Variants in USP25 observed in about 807,000 individuals in gnomAD.
The protein encoded by USP25 is ubiquitin specific peptidase 25.
Under a neutral mutation model 158.5 loss-of-function variants are expected in USP25, and 85 were observed. The ratio of observed to expected loss-of-function variants is 0.54; its 90% CI spans 0.45 to 0.64. USP25 has a LOEUF of 0.64. Among genes scored for constraint, USP25 ranks in the 30% least tolerant of loss-of-function variants. USP25 has a pLI of 0.00. For missense variants in USP25, 1,242 were observed against 1,327.3 expected (o/e 0.94, Z 1.00); for synonymous variants, 464 against 460.4 (o/e 1.01, Z -0.10).
At chr21:15,750,122 A>T (rs1000076181) in intron 1 of USP25, among the ~76,000 whole-genome samples, 4 of 151,056 alleles carry the variant, frequency 2.6e-5, no homozygotes, top group African/African-American at 9.7e-5. Context: ...CTGCAGATTG[A>T]GCCCAATCAC....
chr21:15,762,797 G>C, intron 1 of USP25, 94 bp from the exon 2 acceptor site: 2 of 1,151,106 alleles, frequency 1.7e-6, no homozygotes, highest in African/African-American at 1.6e-5. Flanking sequence ...TCTGTTTTTT[G>C]TTTGTTTTGG....
At chr21:15,730,562 C>A in intron 1 of USP25, 124 bp downstream of exon 1, 2 of 1,127,542 alleles carry the variant, frequency 1.8e-6, no homozygotes, top group Non-Finnish European at 2.2e-6. Context: ...CGGTCACCCC[C>A]GGCCCCTGCC....
At chr21:15,801,988 G>C (rs1264444021) in intron 6 of USP25, among the ~76,000 whole-genome samples, 2 of 151,372 alleles carry the variant, frequency 1.3e-5, no homozygotes, top group Admixed American at 1.3e-4. Flanking sequence ...AGAATTGTGA[G>C]GTCCCTGGAA....
chr21:15,856,039 T>G (rs937783830), intron 20 of USP25, among the ~76,000 whole-genome samples: 1 of 152,222 alleles, frequency 6.6e-6, no homozygotes, highest in African/African-American at 2.4e-5. Flanking sequence ...TTTTCTATCC[T>G]TCTGTTGATG....
intron 3 of USP25, among the ~76,000 whole-genome samples, chr21:15,773,567 A>G (rs1358163888): frequency 6.6e-6 from 1 of 152,170 alleles, no homozygotes; most frequent in African/African-American, 2.4e-5. Context: ...TTATTTCAAA[A>G]AATTTTGAAT....
rs533113537 is a variant in USP25, at chr21:15,759,479, A to G, written c.46-3412A>G. Among the ~76,000 whole-genome samples the G allele has an allele frequency of 6.6e-5, 10 of 152,270 alleles. No homozygotes were observed. The South Asian group carries it at 2.1e-3, about 32-fold the overall frequency. ...ATCAGTCAATTCATGTAAGATTCAC[A>G]TTGGTTCAATCTGGAAGGGAGGGAC... On this transcript the variant is annotated intron_variant, in intron 1 of 25. Transcript: ENST00000400183.
intron 1 of USP25, among the ~76,000 whole-genome samples, chr21:15,748,323 C>T (rs2032721915): frequency 6.6e-6 from 1 of 152,066 alleles, no homozygotes; most frequent in Non-Finnish European, 1.5e-5. Context: ...GCTCTCTTGC[C>T]CAGGCTGGAG....
At chr21:15,862,711 T>G (rs2039481606) in intron 20 of USP25, among the ~76,000 whole-genome samples, 1 of 151,482 alleles carries the variant, frequency 6.6e-6, no homozygotes, top group African/African-American at 2.4e-5. Context: ...TGGCTGTTAT[T>G]TATTCACATA....
chr21:15,738,853 A>G (rs2031769567), intron 1 of USP25, among the ~76,000 whole-genome samples: 1 of 152,214 alleles, frequency 6.6e-6, no homozygotes, highest in Non-Finnish European at 1.5e-5. Flanking sequence ...TATAGATTAC[A>G]GACATTGCAC....
At chr21:15,770,150 A>T (rs893770081) in intron 3 of USP25, among the ~76,000 whole-genome samples, 1 of 152,094 alleles carries the variant, frequency 6.6e-6, no homozygotes, top group Admixed American at 6.6e-5. Context: ...TAATTCTCTT[A>T]TGCTAAACAG....
chr21:15,799,320 T>TA (rs2036016180), intron 5 of USP25, among the ~76,000 whole-genome samples: 1 of 151,272 alleles, frequency 6.6e-6, no homozygotes. Context: ...ATTGAGATAA[T>TA]ATGTAATTTC....
At chr21:15,864,151 T>C in intron 20 of USP25, 117 bp from the exon 21 acceptor site, 2 of 1,105,470 alleles carry the variant, frequency 1.8e-6, no homozygotes, top group Non-Finnish European at 2.5e-6. Context: ...TGTGATACTT[T>C]AAAAGCCAAA....
intron 16 of USP25, 69 bp from the exon 17 acceptor site, chr21:15,833,279 T>C: frequency 2.2e-6 from 3 of 1,386,656 alleles, no homozygotes; most frequent in Non-Finnish European, 3.0e-6. Context: ...TGAAATGCAG[T>C]CTATTTTGAG....
chr21:15,730,457 C>A lies in USP25; in HGVS notation c.45+19C>A. 1 of 1,342,990 alleles carries A rather than the reference C, an allele frequency of 7.4e-7. No individual in the cohort carries two copies. Among genetic ancestry groups the A allele is most frequent in the Non-Finnish European group, 9.6e-7 (1 of 1,040,730 alleles). 83.2% of individuals were successfully genotyped at this position (1,342,990 alleles called of 1,614,324 possible). ...GCAGAAGGTGAGGCGAGTCCGCCAGCCGGCGGGCCCCACTTCTCCTTCCGA... is the reference window on the plus strand; with the variant it reads ...GCAGAAGGTGAGGCGAGTCCGCCAGACGGCGGGCCCCACTTCTCCTTCCGA... On this transcript the variant is annotated intron_variant, in intron 1 of 25. Transcript: ENST00000400183.
intron 16 of USP25, among the ~76,000 whole-genome samples, chr21:15,832,962 G>A (rs1262522727): frequency 6.6e-6 from 1 of 152,084 alleles, no homozygotes; most frequent in Non-Finnish European, 1.5e-5. Flanking sequence ...AGGTTGCAGT[G>A]AGCCGAGATT....
intron 14 of USP25, among the ~76,000 whole-genome samples, chr21:15,828,959 C>T (rs893532128): frequency 6.6e-6 from 1 of 152,108 alleles, no homozygotes; most frequent in African/African-American, 2.4e-5. Flanking sequence ...ATATGTAATA[C>T]TATGGATCAG....
intron 17 of USP25, among the ~76,000 whole-genome samples, chr21:15,840,125 G>A (rs2146433447): frequency 6.6e-6 from 1 of 152,198 alleles, no homozygotes; most frequent in East Asian, 1.9e-4. Flanking sequence ...ACCTTACAAT[G>A]TGCTATTCCT....
chr21:15,763,931 T>C (rs1214864664), intron 2 of USP25, among the ~76,000 whole-genome samples: 1 of 152,110 alleles, frequency 6.6e-6, no homozygotes, highest in African/African-American at 2.4e-5. Flanking sequence ...TTAAAGTAAC[T>C]TGCCCAGGAT....
At chr21:15,768,156 T>G (rs1354275311) in intron 3 of USP25, among the ~76,000 whole-genome samples, 2 of 152,132 alleles carry the variant, frequency 1.3e-5, no homozygotes, top group East Asian at 3.9e-4. Context: ...TCTCAACCGA[T>G]TGTCATATTG....
Sources: gnomAD v4.1 joint callset for allele counts (sites outside exome capture counted in the v4.1 genomes callset) on GRCh38, gnomAD v4.1.1 for gene constraint, MANE v1.5 for transcripts, NCBI Gene and HGNC (gene_info 2026-07-23, HGNC 2026-07-21) for gene names.